The following MEI4 variants were observed in gnomAD, a reference collection of about 807,000 sequenced individuals.
MEI4 encodes meiosis-specific protein MEI4.
Under a neutral mutation model 31.4 loss-of-function variants are expected in MEI4, and 27 were observed. The observed-to-expected ratio is 0.86, with a 90% CI of 0.63 to 1.19. The LOEUF (loss-of-function observed/expected upper bound fraction) is 1.19. Ranked by LOEUF, MEI4 falls within the 50% of genes most tolerant of loss-of-function variation. MEI4 has a pLI of 0.00. For missense variants in MEI4, 329 were observed against 398.9 expected (o/e 0.82, Z 1.49); for synonymous variants, 122 against 145.4 (o/e 0.84, Z 1.16).
chr6:77,896,687 AT>A (rs1766090942), intron 4 of MEI4, among the ~76,000 whole-genome samples: 1 of 152,000 alleles, frequency 6.6e-6, no homozygotes, highest in Non-Finnish European at 1.5e-5. Context: ...ATCAATTCAT[AT>A]TTAGATTCCT....
chr6:77,736,723 C>G (rs1266349855), intron 2 of MEI4, among the ~76,000 whole-genome samples: 1 of 152,014 alleles, frequency 6.6e-6, no homozygotes, highest in African/African-American at 2.4e-5. Context: ...AAAGTTTAAG[C>G]CCTGCCCATA....
intron 1 of MEI4, among the ~76,000 whole-genome samples, chr6:77,670,936 T>TA (rs1008977912): frequency 2.6e-5 from 4 of 151,196 alleles, no homozygotes; most frequent in Admixed American, 6.6e-5. Context: ...GATTTATAAA[T>TA]AAAAAAAATT....
intron 4 of MEI4, among the ~76,000 whole-genome samples, chr6:77,904,161 C>T (rs1766243507): frequency 6.6e-6 from 1 of 151,832 alleles, no homozygotes; most frequent in Non-Finnish European, 1.5e-5. Context: ...TTATTTTTCC[C>T]TAGTGTTATG....
intron 4 of MEI4, among the ~76,000 whole-genome samples, chr6:77,912,781 G>C (rs944217701): frequency 6.6e-6 from 1 of 152,082 alleles, no homozygotes; most frequent in Non-Finnish European, 1.5e-5. Flanking sequence ...TTTCCAATTT[G>C]GATGCATTTT....
chr6:77,681,347 G>A (rs926835592), intron 1 of MEI4, among the ~76,000 whole-genome samples: 32 of 152,182 alleles, frequency 2.1e-4, no homozygotes, highest in African/African-American at 7.7e-4. Flanking sequence ...TGTACTCTAC[G>A]AACAATATAT....
intron 2 of MEI4, among the ~76,000 whole-genome samples, chr6:77,727,554 C>A (rs1247248590): frequency 1.3e-5 from 2 of 152,194 alleles, no homozygotes; most frequent in Admixed American, 1.3e-4. Context: ...ATATAGTAAT[C>A]ACTGTGATTT....
At position 77,731,498 on chromosome 6, in the gene MEI4, A is replaced by G. The variant is rs1259275612; in HGVS notation, c.233-29632A>G. Among the ~76,000 whole-genome samples the G allele has an allele frequency of 1.5e-4, 22 of 148,114 alleles. No homozygotes were observed. The East Asian group carries it at 2.2e-3, about 15-fold the overall frequency. ...TTGTTTGTTTTTTTCTTGTAAATTT[A>G]TTTGAGTTCATTGTAGATTCTGGAT... On this transcript the variant is annotated intron_variant, in intron 2 of 4. Transcript: ENST00000684080.
chr6:77,896,786 T>G (rs1766092511), intron 4 of MEI4, among the ~76,000 whole-genome samples: 1 of 152,024 alleles, frequency 6.6e-6, no homozygotes, highest in Admixed American at 6.6e-5. Context: ...GTAGGTAAGG[T>G]TCTTTACACA....
intron 3 of MEI4, among the ~76,000 whole-genome samples, chr6:77,806,046 A>T (rs1399278485): frequency 6.6e-6 from 1 of 152,136 alleles, no homozygotes; most frequent in Non-Finnish European, 1.5e-5. Context: ...GGCTTGTTTC[A>T]TATTGCTTTG....
chr6:77,757,629 A>T (rs1342194448), intron 2 of MEI4, among the ~76,000 whole-genome samples: 1 of 152,204 alleles, frequency 6.6e-6, no homozygotes, highest in Admixed American at 6.5e-5. Context: ...CATTGGTAGA[A>T]TTCATTTTCT....
intron 2 of MEI4, among the ~76,000 whole-genome samples, chr6:77,750,069 T>G (rs921078581): frequency 6.6e-6 from 1 of 152,192 alleles, no homozygotes; most frequent in African/African-American, 2.4e-5. Flanking sequence ...AAGCAAATGC[T>G]GAGAGATTTT....
At chr6:77,909,234 C>CA (rs1243302332) in intron 4 of MEI4, among the ~76,000 whole-genome samples, 2 of 151,940 alleles carry the variant, frequency 1.3e-5, no homozygotes, top group Middle Eastern at 3.4e-3. Context: ...GATAGAGACA[C>CA]AAAAAACCCT....
intron 2 of MEI4, among the ~76,000 whole-genome samples, chr6:77,735,106 T>C (rs1248855136): frequency 6.6e-6 from 1 of 152,128 alleles, no homozygotes; most frequent in Admixed American, 6.5e-5. Context: ...CTGACAATTA[T>C]GTGTCTTGGA....
intron 1 of MEI4, among the ~76,000 whole-genome samples, chr6:77,674,453 CTA>C (rs59154967): frequency 0.016 from 2,452 of 151,948 alleles, 62 homozygotes; most frequent in African/African-American, 0.056. Context: ...TGTACTTTTT[CTA>C]TGTTTATGTA....
chr6:77,922,250 A>G (rs749531789), intron 4 of MEI4, among the ~76,000 whole-genome samples: 6 of 151,234 alleles, frequency 4.0e-5, no homozygotes, highest in Admixed American at 6.6e-5. Flanking sequence ...TTTTTTCTCA[A>G]TGTTAATACT....
intron 4 of MEI4, among the ~76,000 whole-genome samples, chr6:77,912,041 C>T (rs1479229076): frequency 1.3e-5 from 2 of 152,040 alleles, no homozygotes; most frequent in African/African-American, 4.8e-5. Flanking sequence ...CATTCTTCCA[C>T]ATATGGATAT....
chr6:77,673,526 CA>C (rs1768785439), intron 1 of MEI4, among the ~76,000 whole-genome samples: 1 of 152,140 alleles, frequency 6.6e-6, no homozygotes, highest in South Asian at 2.1e-4. Context: ...TTCCCCAATT[CA>C]ATTGAGAACA....
chr6:77,849,298 G>A (rs1214563859), intron 4 of MEI4, among the ~76,000 whole-genome samples: 1 of 152,106 alleles, frequency 6.6e-6, no homozygotes, highest in African/African-American at 2.4e-5. Flanking sequence ...TGTGGTGGCT[G>A]GGCATTCCCT....
At chr6:77,717,120 TG>T (rs1386472523) in intron 2 of MEI4, among the ~76,000 whole-genome samples, 1 of 134,550 alleles carries the variant, frequency 7.4e-6, no homozygotes, top group Non-Finnish European at 1.6e-5. Flanking sequence ...TCGTATTTAT[TG>T]ATCATCTGTG....
Sources: gnomAD v4.1 joint callset for allele counts (sites outside exome capture counted in the v4.1 genomes callset) on GRCh38, gnomAD v4.1.1 for gene constraint, MANE v1.5 for transcripts, NCBI Gene and HGNC (gene_info 2026-07-23, HGNC 2026-07-21) for gene names.